The following ABCA13 variants were observed in gnomAD, a reference collection of about 807,000 sequenced individuals.
The protein encoded by ABCA13 is ATP binding cassette subfamily A member 13.
Under a neutral mutation model 478.7 loss-of-function variants are expected in ABCA13, and 476 were observed. The observed-to-expected ratio is 0.99, with a 90% confidence interval of 0.92 to 1.07. The LOEUF (loss-of-function observed/expected upper bound fraction) is 1.07, where lower values mean the gene tolerates loss of function less well. ABCA13 is among the 50% of genes least tolerant of loss of function. The probability of loss-of-function intolerance (pLI) is 0.00; values close to 1 mark genes in which losing one functional copy is unlikely to be tolerated. For synonymous variants in ABCA13, 2,252 were observed against 2,158.9 expected (o/e 1.04, Z -1.20); for missense variants, 6,060 against 5,910.6 (o/e 1.03, Z -0.83).
At chr7:48,405,850 ATT>A (rs11340788) in intron 39 of ABCA13, among the ~76,000 whole-genome samples, 1 of 151,912 alleles carries the variant, frequency 6.6e-6, no homozygotes, top group East Asian at 1.9e-4. Context: ...TTGTTTAGCA[ATT>A]TTTTTTGTCT....
chr7:48,335,761 T>C (rs1165880252), intron 28 of ABCA13, among the ~76,000 whole-genome samples: 1 of 152,260 alleles, frequency 6.6e-6, no homozygotes, highest in Non-Finnish European at 1.5e-5. Flanking sequence ...AATAATTTAA[T>C]AGTAACTTTT....
intron 50 of ABCA13, among the ~76,000 whole-genome samples, chr7:48,510,549 A>G (rs1831582125): frequency 6.6e-6 from 1 of 152,192 alleles, no homozygotes; most frequent in Non-Finnish European, 1.5e-5. Flanking sequence ...GATATGCATG[A>G]CAGTAGTAGT....
At chr7:48,219,229 G>A in intron 3 of ABCA13, 125 bp from the exon 4 acceptor site, 1 of 921,772 alleles carries the variant, frequency 1.1e-6, no homozygotes, top group Non-Finnish European at 1.6e-6. Flanking sequence ...TCTCAGGGTA[G>A]ATGATGAGAG....
At chr7:48,351,379 C>T (rs1026175815) in intron 30 of ABCA13, among the ~76,000 whole-genome samples, 8 of 152,178 alleles carry the variant, frequency 5.3e-5, no homozygotes, top group Non-Finnish European at 8.8e-5. Context: ...AACAAAGTAT[C>T]GCAGACTAAA....
At chr7:48,643,210 G>T in intron 59 of ABCA13, 78 bp from the exon 60 acceptor site, 2 of 894,428 alleles carry the variant, frequency 2.2e-6, no homozygotes, top group African/African-American at 1.7e-5. Context: ...TTCTCCCTCT[G>T]TGTGAAAATG....
rs181325416 is a variant in ABCA13, at chr7:48,525,569, G to A, written c.14244+1129G>A. 9.3e-4 allele frequency among the ~76,000 whole-genome samples: 141 copies of A among 151,834 alleles called. 1 individual carries two copies. The highest frequency in any genetic ancestry group is 3.0e-3 in the African/African-American group (123 of 41,400). ...TTTATGCTTAGGTTCAACCAAGTACGGACAGCCATGTAGAAATATGGTTGG... is the reference window on the plus strand; with the variant it reads ...TTTATGCTTAGGTTCAACCAAGTACAGACAGCCATGTAGAAATATGGTTGG... On this transcript the variant is annotated intron_variant, in intron 54 of 61. Transcript: ENST00000435803.
At chr7:48,219,739 C>T (rs57702990) in intron 4 of ABCA13, among the ~76,000 whole-genome samples, 4,434 of 152,266 alleles carry the variant, frequency 0.029, 179 homozygotes, top group African/African-American at 0.094. Context: ...CACTGCATAA[C>T]CTTCAGAGGG....
At chr7:48,324,386 A>G (rs1803985716) in intron 27 of ABCA13, among the ~76,000 whole-genome samples, 1 of 152,170 alleles carries the variant, frequency 6.6e-6, no homozygotes, top group Non-Finnish European at 1.5e-5. Context: ...TTTAAATAGG[A>G]TCTTTAAAGA....
rs116037517 is a variant in ABCA13, at chr7:48,518,650, T to C, written c.13798-1391T>C. Among the ~76,000 whole-genome samples the C allele has an allele frequency of 7.2e-3, 1,093 of 152,290 alleles. 15 individuals carry two copies. The highest frequency in any genetic ancestry group is 0.025 in the African/African-American group (1,048 of 41,562). ...TCTTTTCCTTTGCTCTTTATTTTGA[T>C]ATTATTTGCTTAGGAAGCAACCTTA... is the stretch of plus-strand genomic sequence containing the variant. On this transcript the variant is annotated intron_variant, in intron 52 of 61. Coordinates refer to ENST00000435803, the MANE Select transcript of ABCA13 (RefSeq NM_152701.5).
At chr7:48,597,686 C>T (rs528175916) in intron 58 of ABCA13, among the ~76,000 whole-genome samples, 8 of 152,236 alleles carry the variant, frequency 5.3e-5, no homozygotes, top group East Asian at 1.9e-4. Flanking sequence ...TAAGGACTAA[C>T]GCTGTTAGAA....
chr7:48,473,796 A>T (rs1038805005), intron 45 of ABCA13, among the ~76,000 whole-genome samples: 10 of 152,058 alleles, frequency 6.6e-5, no homozygotes, highest in Non-Finnish European at 1.5e-4. Context: ...TCCTCAGATA[A>T]AAAGTTTTTT....
At chr7:48,490,979 T>C (rs752175134) in intron 48 of ABCA13, among the ~76,000 whole-genome samples, 39 of 152,032 alleles carry the variant, frequency 2.6e-4, no homozygotes, top group South Asian at 1.9e-3. Context: ...AGGAAAAAAA[T>C]GATAAATTTC....
chr7:48,292,976 G>T (rs1416917613), intron 20 of ABCA13, among the ~76,000 whole-genome samples: 1 of 152,208 alleles, frequency 6.6e-6, no homozygotes, highest in Admixed American at 6.5e-5. Context: ...TTCTGTTCAA[G>T]TTCCACTCCC....
chr7:48,184,331 T>C lies in ABCA13; in HGVS notation c.70-8628T>C, dbSNP rs188459873. Among the ~76,000 whole-genome samples the C allele has an allele frequency of 3.3e-5, 5 of 152,320 alleles. No homozygotes were observed. In the East Asian group the frequency reaches 9.6e-4, roughly 29 times the overall value. ...GTATTACAGATAACTGCATTATCAG[T>C]TATACATGTTGAAATAGATGCTTCA... On this transcript the variant is annotated intron_variant, in intron 1 of 61. Transcript: ENST00000435803.
chr7:48,584,205 C>G lies in ABCA13; in HGVS notation c.14506-2949C>G, dbSNP rs553208791. Among the ~76,000 whole-genome samples, 10 of 152,238 alleles carry G rather than the reference C, an allele frequency of 6.6e-5. No homozygotes were observed. The South Asian group carries it at 1.5e-3, about 22-fold the overall frequency. ...AGTAACTAAACATTTCTTTCTAATA[C>G]ATGCACACATACACACATTTTCATT... On this transcript the variant is annotated intron_variant, in intron 56 of 61. Coordinates refer to ENST00000435803, the MANE Select transcript of ABCA13 (RefSeq NM_152701.5).
intron 8 of ABCA13, among the ~76,000 whole-genome samples, chr7:48,235,720 G>C (rs555993932): frequency 2.6e-5 from 4 of 152,280 alleles, no homozygotes; most frequent in African/African-American, 9.6e-5. Context: ...ATCTTCAATG[G>C]CTGGGGCTCA....
chr7:48,644,719 A>G lies in ABCA13; in HGVS notation c.15046A>G (p.Lys5016Glu). 1.2e-6 allele frequency: 2 copies of G among 1,607,420 alleles called. No homozygotes were observed. Among genetic ancestry groups the G allele is most frequent in the Non-Finnish European group, 1.7e-6 (2 of 1,178,268 alleles). ...IENNKTFLNIKHYSINQTTLE... is the reference protein window; with the variant it reads ...IENNKTFLNIEHYSINQTTLE... ...GAACAATAAAACCTTCTTGAATATTAAGCATTATTCCATTAACCAAACCAC... is the reference window on the plus strand; with the variant it reads ...GAACAATAAAACCTTCTTGAATATTGAGCATTATTCCATTAACCAAACCAC... Residue 5016 changes from lysine (K) to glutamate (E), a missense_variant, in exon 61 of 62, where the codon AAG (lysine) becomes GAG (glutamate). Around this residue, in one of 3 missense-constraint regions of ABCA13, gnomAD observed 1,627 missense variants for 1,571.0 expected, o/e 1.04. Transcript: ENST00000435803.
intron 55 of ABCA13, among the ~76,000 whole-genome samples, chr7:48,571,797 C>A (rs557100763): frequency 6.6e-6 from 1 of 152,326 alleles, no homozygotes; most frequent in African/African-American, 2.4e-5. Context: ...CACTGGCCAG[C>A]ACTGGCATTA....
intron 55 of ABCA13, among the ~76,000 whole-genome samples, chr7:48,536,235 T>C (rs985936531): frequency 1.3e-4 from 20 of 150,700 alleles, no homozygotes; most frequent in African/African-American, 4.9e-4. Flanking sequence ...TTTTCTCATT[T>C]AATGGTAATA....
Sources: gnomAD v4.1 joint callset for allele counts (sites outside exome capture counted in the v4.1 genomes callset) on GRCh38, gnomAD v4.1.1 for gene constraint, gnomAD v4.1.1 regional missense constraint, MANE v1.5 for transcripts, NCBI Gene and HGNC (gene_info 2026-07-23, HGNC 2026-07-21) for gene names.